The following FANCB variants were observed in gnomAD, a reference collection of about 807,000 sequenced individuals.
FANCB encodes the protein Fanconi anemia group B protein.
FANCB carries 5 observed loss-of-function variants against 38.9 expected under a neutral mutation model. The ratio of observed to expected loss-of-function variants is 0.13; its 90% CI spans 0.07 to 0.27. The LOEUF (loss-of-function observed/expected upper bound fraction) is 0.27. Ranked by LOEUF, FANCB falls within the 10% of genes least tolerant of loss-of-function variation. The pLI is 1.00. For synonymous variants in FANCB, 236 were observed against 215.4 expected, an observed-to-expected ratio of 1.10 and a Z score of -0.84; for missense variants, 573 against 602.7, an observed-to-expected ratio of 0.95 and a Z score of 0.52.
chrX:14,852,198 C>T (rs1271394605), intron 6 of FANCB, among the ~76,000 whole-genome samples: 7 of 103,321 alleles, frequency 6.8e-5, no homozygotes, highest in African/African-American at 2.2e-4. Flanking sequence ...GACGGAGTTT[C>T]GCTCTTGTCA....
the FANCB span, among the ~76,000 whole-genome samples, chrX:14,758,592 C>G: frequency 1.8e-5 from 2 of 111,950 alleles, no homozygotes; most frequent in Non-Finnish European, 3.8e-5. Flanking sequence ...CCTGGTAGCT[C>G]TGCTGGGCAG....
At position 14,857,911 on chromosome X, in the gene FANCB, T is replaced by C. The variant is rs376945933; in HGVS notation, c.1148A>G (p.Lys383Arg). The C allele has an allele frequency of 1.7e-6, 2 of 1,190,346 alleles. No homozygotes were observed. The highest frequency in any genetic ancestry group is 1.8e-5 in the South Asian group (1 of 56,299). The change falls in exon 5 of 10, where the codon AAA becomes AGA. Residue 383 changes from lysine (K) to arginine (R), a missense_variant. Physicochemically the swap from Lys to Arg is conservative, Grantham distance 26 (BLOSUM62 2). Transcript: ENST00000650831. ...DCNEDDLFED[K>R]QENRYLVVPP... ...AACCACCAGGTAACGATTCTCTTGT[T>C]TGTCTTCAAATAAGTCATCTTCATT...
chrX:14,691,333 G>A, the FANCB span, among the ~76,000 whole-genome samples: 6 of 91,644 alleles, frequency 6.5e-5, no homozygotes, highest in South Asian at 4.9e-4. Flanking sequence ...GTGCGCGCGT[G>A]CGTGCGTGTA....
the FANCB span, among the ~76,000 whole-genome samples, chrX:14,786,709 G>A: frequency 9.1e-6 from 1 of 110,485 alleles, no homozygotes; most frequent in African/African-American, 3.3e-5. Flanking sequence ...AGCAGATTGG[G>A]GTAAAATTGT....
chrX:14,779,900 T>C, the FANCB span, among the ~76,000 whole-genome samples: 1 of 111,135 alleles, frequency 9.0e-6, no homozygotes, highest in African/African-American at 3.4e-5. Context: ...AATTGCTACA[T>C]TAATAAACCT....
chrX:14,764,361 A>C, the FANCB span, among the ~76,000 whole-genome samples: 1 of 111,368 alleles, frequency 9.0e-6, no homozygotes, highest in Non-Finnish European at 1.9e-5. Context: ...AGGCCCTCTC[A>C]CAGGCTTCTC....
At chrX:14,727,951 A>G in the FANCB span, among the ~76,000 whole-genome samples, 3 of 112,146 alleles carry the variant, frequency 2.7e-5, no homozygotes, top group African/African-American at 9.7e-5. Flanking sequence ...ACACTCAACA[A>G]TTAATGGTTG....
the FANCB span, chrX:14,690,684 T>A: frequency 9.9e-7 from 1 of 1,008,072 alleles, no homozygotes; most frequent in Non-Finnish European, 1.4e-6. Context: ...TCTCTGTGTG[T>A]GTGTGTGTCT....
chrX:14,823,168 A>C, the FANCB span, among the ~76,000 whole-genome samples: 1 of 93,924 alleles, frequency 1.1e-5, no homozygotes, highest in Non-Finnish European at 2.0e-5. Flanking sequence ...CTGCAACCTC[A>C]GCCTTCCAGT....
chrX:14,731,358 AC>A, the FANCB span: 1 of 111,982 alleles, frequency 8.9e-6, no homozygotes, highest in Non-Finnish European at 1.9e-5. Flanking sequence ...GGCTATATTT[AC>A]ACGTGACTTT....
At chrX:14,700,350 G>A in the FANCB span, among the ~76,000 whole-genome samples, 1 of 110,475 alleles carries the variant, frequency 9.1e-6, no homozygotes, top group African/African-American at 3.3e-5. Context: ...GAATGGAAGG[G>A]GAAGGCAGTG....
chrX:14,732,904 T>TG, the FANCB span, among the ~76,000 whole-genome samples: 1 of 112,502 alleles, frequency 8.9e-6, no homozygotes, highest in Non-Finnish European at 1.9e-5. Context: ...TTGTCAATTT[T>TG]GGCTTTTGTT....
the FANCB span, among the ~76,000 whole-genome samples, chrX:14,810,568 G>A: frequency 7.2e-5 from 8 of 111,837 alleles, no homozygotes; most frequent in Non-Finnish European, 1.1e-4. Flanking sequence ...GGGTATCAGT[G>A]ATGGAAGATG....
the FANCB span, among the ~76,000 whole-genome samples, chrX:14,813,565 C>A: frequency 9.0e-6 from 1 of 111,175 alleles, no homozygotes; most frequent in Admixed American, 9.6e-5. Context: ...AGTGAACTCC[C>A]CCATTCACAG....
intron 7 of FANCB, among the ~76,000 whole-genome samples, chrX:14,847,474 T>C (rs930786765): frequency 1.8e-5 from 2 of 110,378 alleles, no homozygotes; most frequent in Non-Finnish European, 3.8e-5. Flanking sequence ...GAAAGAGATG[T>C]TGAGACATAG....
intron 3 of FANCB, among the ~76,000 whole-genome samples, chrX:14,863,677 T>C (rs767530362): frequency 1.8e-5 from 2 of 112,494 alleles, no homozygotes; most frequent in East Asian, 2.8e-4. Context: ...TTTCAAAATA[T>C]AACATAATAA....
the FANCB span, among the ~76,000 whole-genome samples, chrX:14,799,073 T>C: frequency 3.3e-3 from 370 of 111,637 alleles, 1 homozygote; most frequent in African/African-American, 0.011. Flanking sequence ...TCCAGGAACA[T>C]TCATATTTGG....
the FANCB span, among the ~76,000 whole-genome samples, chrX:14,818,375 T>TAAA: frequency 1.3e-5 from 1 of 78,967 alleles, no homozygotes; most frequent in Admixed American, 1.5e-4. Context: ...TAGGCCTTAT[T>TAAA]AAAAAAAAAA....
chrX:14,748,872 C>T, the FANCB span, among the ~76,000 whole-genome samples: 1 of 112,087 alleles, frequency 8.9e-6, no homozygotes, highest in African/African-American at 3.2e-5. Flanking sequence ...GGGCTCCTGA[C>T]TCCTACACTA....
Sources: gnomAD v4.1 joint callset for allele counts (sites outside exome capture counted in the v4.1 genomes callset) on GRCh38, gnomAD v4.1.1 for gene constraint, MANE v1.5 for transcripts, NCBI Gene and HGNC (gene_info 2026-07-23, HGNC 2026-07-21) for gene names.